The following RIN3 variants were observed in gnomAD, a reference collection of about 807,000 sequenced individuals.
RIN3 encodes RAB5 interacting protein 3.
Under a neutral mutation model 76.3 loss-of-function variants are expected in RIN3, and 54 were observed. The ratio of observed to expected loss-of-function variants is 0.71; its 90% CI spans 0.57 to 0.89. The LOEUF is 0.89. RIN3 is among the 40% of genes least tolerant of loss of function. RIN3 has a pLI of 0.00. For missense variants in RIN3, 1,256 were observed against 1,322.1 expected (o/e 0.95, Z 0.78); for synonymous variants, 576 against 564.0 (o/e 1.02, Z -0.30).
chr14:92,536,745 A>G lies in RIN3; in HGVS notation c.45-19006A>G, dbSNP rs944337184. Reference sequence around the variant, plus strand: ...GACAGAGCAAGACTCCGTCTCAGAAAAAAAAAAAAAAAAAAAAGAAACTGC... The same window carrying G: ...GACAGAGCAAGACTCCGTCTCAGAAGAAAAAAAAAAAAAAAAAGAAACTGC... On this transcript the variant is annotated intron_variant, in intron 1 of 9. Transcript: ENST00000216487. 2.3e-3 allele frequency among the ~76,000 whole-genome samples: 337 copies of G among 145,304 alleles called. 3 individuals carry two copies. Among genetic ancestry groups the G allele is most frequent in the Middle Eastern group, 7.0e-3 (2 of 286 alleles).
Position 92,514,455 on chromosome 14 carries a change from C to A in RIN3, c.44+479C>A, listed in dbSNP as rs989591751. 1.3e-5 allele frequency among the ~76,000 whole-genome samples: 2 copies of A among 152,350 alleles called. No individual in the cohort carries two copies. The highest frequency in any genetic ancestry group is 2.9e-5 in the Non-Finnish European group (2 of 68,036). Reference sequence around the variant, plus strand: ...TGGGCGTGGGGTCGGAGACCCGGACCCCCGCAACTTTGGGTGCCCGCGGCC... The same window carrying A: ...TGGGCGTGGGGTCGGAGACCCGGACACCCGCAACTTTGGGTGCCCGCGGCC... On this transcript the variant is annotated intron_variant, in intron 1 of 9. Coordinates refer to ENST00000216487, the MANE Select transcript of RIN3 (RefSeq NM_024832.5). This position sits in a 1 kb window ranked among gnomAD's most constrained non-coding sequence, Gnocchi z 7.2.
Position 92,590,446 on chromosome 14 carries a change from G to A in RIN3, c.367+12969G>A, listed in dbSNP as rs530490133. On this transcript the variant is annotated intron_variant, in intron 3 of 9. Transcript: ENST00000216487. ...TGGTGAGATCTGGCTGTTTAAAAGT[G>A]TATGGCACCCTCCTGCTCAACCTAA... is the stretch of plus-strand genomic sequence containing the variant. Among the ~76,000 whole-genome samples, 147 of 152,214 alleles carry A rather than the reference G, an allele frequency of 9.7e-4. 1 individual carries two copies. Among genetic ancestry groups the A allele is most frequent in the African/African-American group, 3.3e-3 (138 of 41,522 alleles).
chr14:92,536,586 A>C (rs1897004408), intron 1 of RIN3, among the ~76,000 whole-genome samples: 1 of 151,992 alleles, frequency 6.6e-6, no homozygotes, highest in Non-Finnish European at 1.5e-5. Context: ...TACTAAAACT[A>C]TAAAAATTAG....
chr14:92,547,097 AATT>A lies in RIN3; in HGVS notation c.45-8652_45-8650del, dbSNP rs1187181745. On this transcript the variant is annotated intron_variant, in intron 1 of 9. Transcript: ENST00000216487. ...TTTATATTATATTATATTATATTAT[AATT>A]AAATAAATTATCTTTATTTTATTAT... Among the ~76,000 whole-genome samples the A allele has an allele frequency of 2.8e-3, 141 of 49,890 alleles. 26 individuals carry two copies. Among genetic ancestry groups the A allele is most frequent in the East Asian group, 6.8e-3 (24 of 3,534 alleles). The allele number at this position is 49,890 out of a possible 152,430, so 32.7% of individuals were successfully genotyped here.
At chr14:92,587,417 T>C (rs1404834718) in intron 3 of RIN3, among the ~76,000 whole-genome samples, 3 of 151,918 alleles carry the variant, frequency 2.0e-5, no homozygotes, top group African/African-American at 7.3e-5. Context: ...GTAATGCCCC[T>C]CTAGGAAACG....
chr14:92,684,976 T>C lies in RIN3; in HGVS notation c.2468-11T>C, dbSNP rs760496789. ...GGTCCTGGCTCAGATTCCACACCCT[T>C]GTCCACGCAGGTTCCTACTATCTGA... On this transcript the variant is annotated splice_polypyrimidine_tract_variant and intron_variant, in intron 8 of 9. Coordinates refer to ENST00000216487, the MANE Select transcript of RIN3 (RefSeq NM_024832.5). 4 of 1,605,848 alleles carry C rather than the reference T, an allele frequency of 2.5e-6. No homozygotes were observed. The Admixed American group carries it at 6.7e-5, about 27-fold the overall frequency.
At chr14:92,591,700 A>G (rs1428221361) in intron 3 of RIN3, among the ~76,000 whole-genome samples, 11 of 152,228 alleles carry the variant, frequency 7.2e-5, no homozygotes, top group Admixed American at 7.2e-4. Flanking sequence ...ATTGAGAGAA[A>G]AAAAACACCA....
chr14:92,557,179 C>G (rs60498530), intron 2 of RIN3, among the ~76,000 whole-genome samples: 1,787 of 152,330 alleles, frequency 0.012, 42 homozygotes, highest in African/African-American at 0.04. Flanking sequence ...GGCAGTCTTG[C>G]AAGTTCTTCA....
chr14:92,647,609 CTG>C (rs1465070336), intron 5 of RIN3, among the ~76,000 whole-genome samples: 2 of 152,200 alleles, frequency 1.3e-5, no homozygotes, highest in East Asian at 3.8e-4. Context: ...CTTTGACTGA[CTG>C]TGTAACAGCC....
intron 1 of RIN3, among the ~76,000 whole-genome samples, chr14:92,532,966 G>A (rs866213178): frequency 1.3e-5 from 2 of 152,192 alleles, no homozygotes; most frequent in Non-Finnish European, 2.9e-5. Context: ...CCAGCCTCCC[G>A]TGGAAGCTCC....
rs552306280 is a variant in RIN3, at chr14:92,570,051, A to T, written c.250-7309A>T. Among the ~76,000 whole-genome samples the T allele has an allele frequency of 3.3e-5, 5 of 152,344 alleles. No individual in the cohort carries two copies. In the South Asian group the frequency reaches 8.3e-4, roughly 25 times the overall value. ...CATCCCTGATACCTAAAGATGGGGCAGCCCTGCCATGTGGCTGTGCTTCTA... is the reference window on the plus strand; with the variant it reads ...CATCCCTGATACCTAAAGATGGGGCTGCCCTGCCATGTGGCTGTGCTTCTA... On this transcript the variant is annotated intron_variant, in intron 2 of 9. Coordinates refer to ENST00000216487, the MANE Select transcript of RIN3 (RefSeq NM_024832.5).
Position 92,561,020 on chromosome 14 carries a change from T to TAAAAA in RIN3, c.249+5086_249+5090dup, listed in dbSNP as rs1324990452. ...TGGGCAACAAGAGCGAAACTCTGTC[T>TAAAAA]AAAAAAAAAAAAAAAAAAAAAAAAA... On this transcript the variant is annotated intron_variant, in intron 2 of 9. Transcript: ENST00000216487. 1.7e-4 allele frequency among the ~76,000 whole-genome samples: 4 copies of TAAAAA among 23,648 alleles called. 1 individual carries two copies. Among genetic ancestry groups the TAAAAA allele is most frequent in the Admixed American group, 6.1e-4 (1 of 1,630 alleles). The allele number at this position is 23,648 out of a possible 152,430, so 15.5% of individuals were successfully genotyped here.
At chr14:92,562,704 C>T (rs1435439342) in intron 2 of RIN3, among the ~76,000 whole-genome samples, 2 of 151,960 alleles carry the variant, frequency 1.3e-5, no homozygotes, top group Admixed American at 6.6e-5. Context: ...TGGAACATGT[C>T]GTTATTTCCT....
chr14:92,652,012 C>T lies in RIN3; in HGVS notation c.963C>T (p.His321=), dbSNP rs780957671. Reference sequence around the variant, plus strand: ...CCTCTCCCCCAGTGCCTGCCCCCCACGTCACACCCCATGCCCCAGGTCCCC... The same window carrying T: ...CCTCTCCCCCAGTGCCTGCCCCCCATGTCACACCCCATGCCCCAGGTCCCC... The part of the protein sequence containing the change: ...LPTSPPVPAP[H]VTPHAPGPPD... The change falls in exon 6 of 10, where the codon CAC becomes CAT. Residue 321 remains histidine (H), a synonymous_variant. Coordinates refer to ENST00000216487, the MANE Select transcript of RIN3 (RefSeq NM_024832.5). This position sits in a 1 kb window ranked among gnomAD's most constrained non-coding sequence, Gnocchi z 6.4. The T allele has an allele frequency of 1.8e-5, 28 of 1,570,286 alleles. No homozygotes were observed. The highest frequency in any genetic ancestry group is 2.3e-5 in the Non-Finnish European group (27 of 1,152,848).
At chr14:92,607,421 A>T (rs1247093404) in intron 3 of RIN3, among the ~76,000 whole-genome samples, 1 of 152,144 alleles carries the variant, frequency 6.6e-6, no homozygotes, top group Non-Finnish European at 1.5e-5. Context: ...AGGTGGGAGG[A>T]TTGCTTAAGG....
At chr14:92,522,322 G>A (rs1168814699) in intron 1 of RIN3, among the ~76,000 whole-genome samples, 1 of 151,276 alleles carries the variant, frequency 6.6e-6, no homozygotes, top group Non-Finnish European at 1.5e-5. Context: ...TGTATGTGGT[G>A]TGTGTGTGTG....
intron 2 of RIN3, among the ~76,000 whole-genome samples, chr14:92,574,189 G>A (rs1898147010): frequency 6.6e-6 from 1 of 152,222 alleles, no homozygotes; most frequent in African/African-American, 2.4e-5. Context: ...GCAGAGAGAG[G>A]GGGTCCTGAA....
intron 1 of RIN3, among the ~76,000 whole-genome samples, chr14:92,552,653 T>C (rs1245211624): frequency 6.6e-6 from 1 of 152,016 alleles, no homozygotes; most frequent in Non-Finnish European, 1.5e-5. Context: ...TGCCTGGACA[T>C]CTCTTCCCCA....
At chr14:92,532,538 G>C (rs560058472) in intron 1 of RIN3, among the ~76,000 whole-genome samples, 60 of 152,288 alleles carry the variant, frequency 3.9e-4, no homozygotes, top group African/African-American at 1.4e-3. Context: ...CCTTCTGGGG[G>C]AAGTTATTTA....
Sources: gnomAD v4.1 joint callset for allele counts (sites outside exome capture counted in the v4.1 genomes callset) on GRCh38, gnomAD v4.1.1 for gene constraint, Gnocchi (gnomAD v3.1) non-coding constraint, MANE v1.5 for transcripts, NCBI Gene and HGNC (gene_info 2026-07-23, HGNC 2026-07-21) for gene names.